The following BTRC variants were observed in gnomAD, a reference collection of about 807,000 sequenced individuals.
The protein encoded by BTRC is beta-transducin repeat containing E3 ubiquitin protein ligase, also known as F-box/WD repeat-containing protein 1A.
BTRC carries 42 observed loss-of-function variants against 85.5 expected under a neutral mutation model. That is an observed-to-expected ratio of 0.49 (90% confidence interval 0.38 to 0.64). The LOEUF (loss-of-function observed/expected upper bound fraction) is 0.64, where lower values mean the gene tolerates loss of function less well. BTRC is among the 30% of genes least tolerant of loss of function. BTRC has a pLI of 0.00. For missense variants in BTRC, 594 were observed against 743.5 expected (o/e 0.80, Z 2.34); for synonymous variants, 255 against 263.3 (o/e 0.97, Z 0.30).
intron 1 of BTRC, among the ~76,000 whole-genome samples, chr10:101,389,690 G>A (rs1335752349): frequency 7.7e-6 from 1 of 129,300 alleles, no homozygotes; most frequent in Non-Finnish European, 1.5e-5. Context: ...AATAAACACA[G>A]CACAGCTCAC....
At chr10:101,442,473 T>A (rs868702123) in intron 2 of BTRC, among the ~76,000 whole-genome samples, 1 of 152,150 alleles carries the variant, frequency 6.6e-6, no homozygotes, top group South Asian at 2.1e-4. Flanking sequence ...CCATCCAGTT[T>A]AGTTCAGAAG....
intron 1 of BTRC, among the ~76,000 whole-genome samples, chr10:101,420,068 A>G (rs1431115330): frequency 6.6e-6 from 1 of 151,380 alleles, no homozygotes; most frequent in Non-Finnish European, 1.5e-5. Flanking sequence ...ACATATATAT[A>G]TATATATCAT....
chr10:101,531,434 A>T, intron 7 of BTRC, 101 bp downstream of exon 7: 1 of 884,408 alleles, frequency 1.1e-6, no homozygotes, highest in Admixed American at 2.5e-5. Context: ...GTTTATTGAC[A>T]TGAGTTGGGA....
rs375624831 is a variant in BTRC, at chr10:101,425,158, C to A, written c.49-5187C>A. Among the ~76,000 whole-genome samples the A allele has an allele frequency of 2.6e-5, 4 of 152,198 alleles. No homozygotes were observed. In the East Asian group the frequency reaches 5.8e-4, roughly 22 times the overall value. On this transcript the variant is annotated intron_variant, in intron 1 of 14. Coordinates refer to ENST00000370187, the MANE Select transcript of BTRC (RefSeq NM_033637.4). ...TTATTTTTTATGGCTACTTAGTATT[C>A]CATGGTATATGTGTACTGCATTTTC... is the stretch of plus-strand genomic sequence containing the variant.
At chr10:101,406,849 C>T (rs1589430280) in intron 1 of BTRC, among the ~76,000 whole-genome samples, 1 of 152,086 alleles carries the variant, frequency 6.6e-6, no homozygotes, top group East Asian at 1.9e-4. Flanking sequence ...TTTCTTATGA[C>T]TGTTTTTATG....
intron 1 of BTRC, among the ~76,000 whole-genome samples, chr10:101,362,788 A>T (rs550637998): frequency 1.9e-4 from 29 of 152,366 alleles, no homozygotes; most frequent in African/African-American, 6.7e-4. Flanking sequence ...CATATCTGCT[A>T]ATTCAACCAT....
At chr10:101,357,277 C>T (rs1314146236) in intron 1 of BTRC, among the ~76,000 whole-genome samples, 1 of 149,912 alleles carries the variant, frequency 6.7e-6, no homozygotes, top group Non-Finnish European at 1.5e-5. Context: ...CCTGTCTCTA[C>T]TAAAAATACA....
At chr10:101,496,877 A>C (rs1353800252) in intron 4 of BTRC, among the ~76,000 whole-genome samples, 1 of 152,162 alleles carries the variant, frequency 6.6e-6, no homozygotes, top group Non-Finnish European at 1.5e-5. Flanking sequence ...TATTTCTCCT[A>C]AACTGTGACT....
At chr10:101,497,014 A>G (rs986806429) in intron 4 of BTRC, among the ~76,000 whole-genome samples, 4 of 152,214 alleles carry the variant, frequency 2.6e-5, no homozygotes, top group Admixed American at 1.3e-4. Context: ...GCCTGTCCCA[A>G]TGTCTTAAAG....
chr10:101,549,032 G>T (rs1209343607), intron 13 of BTRC, among the ~76,000 whole-genome samples: 5 of 150,798 alleles, frequency 3.3e-5, no homozygotes, highest in Admixed American at 3.3e-4. Context: ...CACCCTGGGC[G>T]ACAGAGCGAG....
At chr10:101,451,653 C>G (rs1047763537) in intron 2 of BTRC, among the ~76,000 whole-genome samples, 19 of 152,126 alleles carry the variant, frequency 1.2e-4, no homozygotes, top group Non-Finnish European at 2.8e-4. Context: ...TTTTTCCCCC[C>G]TGAGGTCCCC....
intron 1 of BTRC, among the ~76,000 whole-genome samples, chr10:101,426,049 TTA>T (rs1246912245): frequency 3.3e-5 from 5 of 152,198 alleles, no homozygotes. Flanking sequence ...ATGTATAGAC[TTA>T]ATAAGGATAG....
chr10:101,384,000 G>A (rs748457779), intron 1 of BTRC, among the ~76,000 whole-genome samples: 2 of 152,120 alleles, frequency 1.3e-5, no homozygotes, highest in Admixed American at 1.3e-4. Context: ...CCACAGGCTT[G>A]TATCACCATG....
chr10:101,555,984 A>C lies in BTRC; in HGVS notation c.*2861A>C, dbSNP rs1199008405. The C allele has an allele frequency of 3.3e-5, 5 of 152,190 alleles. No homozygotes were observed. The highest frequency in any genetic ancestry group is 1.2e-4 in the African/African-American group (5 of 41,434). 9.4% of individuals were successfully genotyped at this position (152,190 alleles called of 1,614,324 possible). A position where few individuals can be genotyped will look rare whatever the true frequency, so the allele number is the denominator to read the frequency against. On this transcript the variant is annotated 3_prime_UTR_variant, in exon 15 of 15. Transcript: ENST00000370187. ...TATTTCACTGCTGAGAACATCCTTT[A>C]ACTTGGTGTGCAATTTGAAAGGATG...
chr10:101,425,173 A>G (rs1944217795), intron 1 of BTRC, among the ~76,000 whole-genome samples: 1 of 152,078 alleles, frequency 6.6e-6, no homozygotes, highest in African/African-American at 2.4e-5. Context: ...GTATATGTGT[A>G]CTGCATTTTC....
intron 4 of BTRC, among the ~76,000 whole-genome samples, chr10:101,492,751 G>A (rs1304609995): frequency 6.6e-6 from 1 of 152,012 alleles, no homozygotes; most frequent in Non-Finnish European, 1.5e-5. Flanking sequence ...TTTTTCTTAC[G>A]AAAGATGGAG....
intron 1 of BTRC, among the ~76,000 whole-genome samples, chr10:101,368,473 T>C (rs1007911642): frequency 7.3e-5 from 4 of 54,584 alleles, no homozygotes; most frequent in African/African-American, 1.4e-4. Flanking sequence ...TCTTTTTTTT[T>C]TTTTTTTTTT....
At chr10:101,471,519 G>A (rs796552602) in intron 3 of BTRC, among the ~76,000 whole-genome samples, 8 of 152,266 alleles carry the variant, frequency 5.3e-5, no homozygotes, top group African/African-American at 1.9e-4. Flanking sequence ...TGTTTCATGT[G>A]AGGTACTGGT....
intron 1 of BTRC, among the ~76,000 whole-genome samples, chr10:101,359,228 T>C (rs1942131163): frequency 6.6e-6 from 1 of 152,190 alleles, no homozygotes; most frequent in Non-Finnish European, 1.5e-5. Context: ...TTCACTGTAA[T>C]GGAATTTTCT....
Sources: allele counts gnomAD v4.1 joint callset (sites outside exome capture counted in the v4.1 genomes callset), GRCh38; gene constraint gnomAD v4.1.1; transcripts MANE v1.5; gene names NCBI Gene and HGNC (gene_info 2026-07-23, HGNC 2026-07-21).